EZR: variants seen among roughly 807,000 people sequenced by gnomAD.
The protein encoded by EZR is ezrin.
A neutral mutation model predicts 74.8 loss-of-function variants in EZR; 40 were observed. That is an observed-to-expected ratio of 0.53 (90% CI 0.42 to 0.70). EZR has a LOEUF of 0.70. Among genes scored for constraint, EZR ranks in the 30% least tolerant of loss-of-function variants. The pLI, the probability that EZR is intolerant of heterozygous loss-of-function variation, is 0.00. For missense variants in EZR, 678 were observed against 755.8 expected, an observed-to-expected ratio of 0.90 and a Z score of 1.21; for synonymous variants, 341 against 283.3, an observed-to-expected ratio of 1.20 and a Z score of -2.05.
chr6:158,768,761 TA>T (rs1358167761), intron 12 of EZR, among the ~76,000 whole-genome samples: 1 of 152,010 alleles, frequency 6.6e-6, no homozygotes, highest in Non-Finnish European at 1.5e-5. Context: ...AGAGCAACCT[TA>T]TGAGTTGGGT....
chr6:158,786,657 CAAA>C (rs5881287), intron 4 of EZR, among the ~76,000 whole-genome samples: 1 of 144,660 alleles, frequency 6.9e-6, no homozygotes. Flanking sequence ...GTGGGGGTTT[CAAA>C]AAAAAAAAAA....
chr6:158,817,981 G>A, intron 2 of EZR, 101 bp downstream of exon 2: 2 of 1,191,322 alleles, frequency 1.7e-6, no homozygotes, highest in Non-Finnish European at 2.4e-6. Flanking sequence ...CGTGTGAGAA[G>A]AACCCTGTTC....
chr6:158,806,483 T>TC lies in EZR; in HGVS notation c.12+11598_12+11599insG, dbSNP rs1388100337. On this transcript the variant is annotated intron_variant, in intron 2 of 13. Coordinates refer to ENST00000367075, the MANE Select transcript of EZR (RefSeq NM_001111077.2). The stretch of plus-strand genomic sequence containing the variant: ...TTCTTCTACTCTACCACTTTCACTT[T>TC]TTTTTTTTTTTGCTGGCATATTTTA... Among the ~76,000 whole-genome samples, 6 of 149,596 alleles carry TC rather than the reference T, an allele frequency of 4.0e-5. No individual in the cohort carries two copies. The East Asian group carries it at 9.7e-4, about 24-fold the overall frequency.
In EZR at chr6:158,771,429, C is replaced by T. The variant is rs1358343191; in HGVS notation, c.796-22G>A. 1.9e-6 allele frequency: 3 copies of T among 1,562,920 alleles called. No homozygotes were observed. The Admixed American group carries it at 5.8e-5, about 30-fold the overall frequency. ...AGTCCTACAAAACAGAACAGGGCCA[C>T]CTGGACTCAAGCTCCTTCGTTTGGT... On this transcript the variant is annotated intron_variant, in intron 8 of 13. Coordinates refer to ENST00000367075, the MANE Select transcript of EZR (RefSeq NM_001111077.2).
intron 8 of EZR, among the ~76,000 whole-genome samples, chr6:158,772,121 G>A (rs532189480): frequency 6.6e-6 from 1 of 152,338 alleles, no homozygotes; most frequent in African/African-American, 2.4e-5. Flanking sequence ...CCAGCTACAG[G>A]TACTCGCCGC....
At chr6:158,779,570 A>C (rs1393977042) in intron 7 of EZR, among the ~76,000 whole-genome samples, 1 of 152,126 alleles carries the variant, frequency 6.6e-6, no homozygotes, top group African/African-American at 2.4e-5. Context: ...AATAATATAT[A>C]TATTTTAAAT....
chr6:158,767,118 C>A, intron 13 of EZR, 40 bp from the exon 14 acceptor site: 1 of 1,611,042 alleles, frequency 6.2e-7, no homozygotes. Context: ...CCTTCCTCCC[C>A]ATATGGCCCG....
intron 7 of EZR, among the ~76,000 whole-genome samples, chr6:158,778,487 G>C (rs3102970): frequency 0.52 from 78,756 of 152,136 alleles, 21,424 homozygotes; most frequent in Non-Finnish European, 0.61. Flanking sequence ...ACCAAAGTTG[G>C]AAAATTAAAG....
intron 2 of EZR, among the ~76,000 whole-genome samples, chr6:158,813,460 G>A (rs1009972936): frequency 6.6e-6 from 1 of 152,220 alleles, no homozygotes; most frequent in African/African-American, 2.4e-5. Context: ...GCCTTACAGC[G>A]TGATCATGGC....
At chr6:158,805,054 A>G (rs985273011) in intron 2 of EZR, among the ~76,000 whole-genome samples, 29 of 151,866 alleles carry the variant, frequency 1.9e-4, no homozygotes, top group African/African-American at 7.0e-4. Context: ...GAGAATGATG[A>G]TTTCCAATTT....
At chr6:158,781,746 A>AATTCCT in intron 7 of EZR, among the ~76,000 whole-genome samples, 1 of 43,116 alleles carries the variant, frequency 2.3e-5, no homozygotes, top group South Asian at 5.1e-4. Context: ...CCTGGTTCCA[A>AATTCCT]GTACCCACTT....
At chr6:158,791,726 T>TTTTTTTTTA (rs1791754014) in intron 2 of EZR, among the ~76,000 whole-genome samples, 3 of 147,114 alleles carry the variant, frequency 2.0e-5, no homozygotes, top group African/African-American at 5.1e-5. Flanking sequence ...TTTTTTTTTT[T>TTTTTTTTTA]GAGACAGAGT....
chr6:158,803,903 T>C (rs3127193), intron 2 of EZR, among the ~76,000 whole-genome samples: 78,830 of 151,106 alleles, frequency 0.52, 21,527 homozygotes, highest in Non-Finnish European at 0.61. Flanking sequence ...AGAAGGGAAC[T>C]TTCTGGGCAT....
intron 5 of EZR, 109 bp from the exon 6 acceptor site, chr6:158,784,836 C>T (rs1388831338): frequency 5.8e-6 from 5 of 861,898 alleles, no homozygotes; most frequent in Non-Finnish European, 9.5e-6. Flanking sequence ...TCAAATCAAT[C>T]AATCCCAAAG....
chr6:158,769,568 T>C (rs2128564436), intron 11 of EZR, 150 bp from the exon 12 acceptor site: 1 of 1,046,762 alleles, frequency 9.6e-7, no homozygotes, highest in African/African-American at 1.5e-5. Flanking sequence ...GGGTCCATTG[T>C]GCACCCCCGG....
At chr6:158,796,198 C>A (rs1290415019) in intron 2 of EZR, among the ~76,000 whole-genome samples, 1 of 152,218 alleles carries the variant, frequency 6.6e-6, no homozygotes, top group Admixed American at 6.5e-5. Context: ...GGAGAAGGGA[C>A]AACACACCTG....
chr6:158,800,037 T>C (rs2128573691), intron 2 of EZR, among the ~76,000 whole-genome samples: 1 of 152,310 alleles, frequency 6.6e-6, no homozygotes, highest in South Asian at 2.1e-4. Context: ...AGCAAGCATA[T>C]GGTTAGAATG....
chr6:158,776,161 G>A (rs544994837), intron 8 of EZR, among the ~76,000 whole-genome samples: 1 of 152,338 alleles, frequency 6.6e-6, no homozygotes, highest in East Asian at 1.9e-4. Flanking sequence ...AGCATTTTGG[G>A]AAATGCTTAT....
chr6:158,817,931 A>T, intron 2 of EZR, 151 bp downstream of exon 2: 1 of 599,358 alleles, frequency 1.7e-6, no homozygotes, highest in Non-Finnish European at 2.7e-6. Flanking sequence ...ACAAGTAACA[A>T]AGAGCGGCGA....
Sources: gnomAD v4.1 joint callset for allele counts (sites outside exome capture counted in the v4.1 genomes callset) on GRCh38, gnomAD v4.1.1 for gene constraint, MANE v1.5 for transcripts, NCBI Gene and HGNC (gene_info 2026-07-23, HGNC 2026-07-21) for gene names.